Variants in FSTL4 observed in about 807,000 individuals in gnomAD.
The protein encoded by FSTL4 is follistatin-related protein 4.
FSTL4 carries 28 observed loss-of-function variants against 78.2 expected under a neutral mutation model. That is an observed-to-expected ratio of 0.36 (90% CI 0.27 to 0.49). The LOEUF is 0.49. Among genes scored for constraint, FSTL4 ranks in the 20% least tolerant of loss-of-function variants. The pLI is 0.98. For synonymous variants in FSTL4, 422 were observed against 440.5 expected (o/e 0.96, Z 0.53); for missense variants, 922 against 1,084.9 (o/e 0.85, Z 2.11).
the FSTL4 span, among the ~76,000 whole-genome samples, chr5:133,704,768 G>A: frequency 2.0e-5 from 3 of 150,900 alleles, no homozygotes; most frequent in Admixed American, 2.0e-4. Flanking sequence ...GACTGCCTGA[G>A]GAAAAGGCCA....
chr5:133,634,480 C>T, the FSTL4 span, among the ~76,000 whole-genome samples: 1 of 151,894 alleles, frequency 6.6e-6, no homozygotes, highest in Non-Finnish European at 1.5e-5. Context: ...AAGAGAAAAC[C>T]CAGAGAACTC....
the FSTL4 span, among the ~76,000 whole-genome samples, chr5:133,773,360 C>T: frequency 1.3e-5 from 2 of 152,052 alleles, no homozygotes; most frequent in African/African-American, 4.8e-5. Flanking sequence ...GAATGCTCTG[C>T]TCTGTGCCTG....
chr5:133,627,368 G>A, the FSTL4 span, among the ~76,000 whole-genome samples: 1 of 152,158 alleles, frequency 6.6e-6, no homozygotes, highest in South Asian at 2.1e-4. Flanking sequence ...GGAAAAAGGG[G>A]TTTCCCCTTA....
chr5:133,799,327 A>G, the FSTL4 span, among the ~76,000 whole-genome samples: 1 of 138,516 alleles, frequency 7.2e-6, no homozygotes, highest in East Asian at 2.0e-4. Flanking sequence ...AAAATGGCCC[A>G]CTGTGACCAG....
chr5:133,412,574 T>C (rs1201430863), intron 3 of FSTL4, among the ~76,000 whole-genome samples: 1 of 152,200 alleles, frequency 6.6e-6, no homozygotes, highest in African/African-American at 2.4e-5. Context: ...AGAACACTTA[T>C]CCACTCTATG....
At chr5:133,664,572 G>T in the FSTL4 span, among the ~76,000 whole-genome samples, 9 of 152,268 alleles carry the variant, frequency 5.9e-5, no homozygotes, top group African/African-American at 1.9e-4. Context: ...TGCCCACTCA[G>T]CATCCTCTCA....
the FSTL4 span, among the ~76,000 whole-genome samples, chr5:133,680,350 G>A: frequency 6.6e-6 from 1 of 152,138 alleles, no homozygotes; most frequent in African/African-American, 2.4e-5. Flanking sequence ...ATGATCCAAG[G>A]ATTTCCACCA....
At chr5:133,673,843 GCA>G in the FSTL4 span, among the ~76,000 whole-genome samples, 1 of 152,140 alleles carries the variant, frequency 6.6e-6, no homozygotes, top group African/African-American at 2.4e-5. Context: ...AGGGACAAAA[GCA>G]ACAAAGAAGC....
chr5:133,318,887 C>A (rs1385149129), intron 4 of FSTL4, among the ~76,000 whole-genome samples: 2 of 152,342 alleles, frequency 1.3e-5, no homozygotes, highest in East Asian at 3.9e-4. Context: ...CCTCTTATTT[C>A]GTCTCAGGAC....
rs189417792 is a variant in FSTL4, at chr5:133,446,182, G to A, written c.161-45196C>T. Among the ~76,000 whole-genome samples, 553 of 152,324 alleles carry A rather than the reference G, an allele frequency of 3.6e-3. 4 individuals are homozygous for A. The highest frequency in any genetic ancestry group is 0.012 in the African/African-American group (516 of 41,566). On this transcript the variant is annotated intron_variant, in intron 3 of 15. Transcript: ENST00000265342. Reference sequence around the variant, plus strand: ...GGGCCAGGCTCGGTGGCTCACGCCTGTAATCCTAGCACTTTGGGAGGCCGA... The same window carrying A: ...GGGCCAGGCTCGGTGGCTCACGCCTATAATCCTAGCACTTTGGGAGGCCGA...
At chr5:133,480,094 A>T (rs1184652895) in intron 3 of FSTL4, among the ~76,000 whole-genome samples, 3 of 152,232 alleles carry the variant, frequency 2.0e-5, no homozygotes, top group Non-Finnish European at 2.9e-5. Flanking sequence ...AGAAAGGCAG[A>T]TGTGGACCCC....
At chr5:133,839,923 A>C in the FSTL4 span, among the ~76,000 whole-genome samples, 1 of 152,294 alleles carries the variant, frequency 6.6e-6, no homozygotes, top group South Asian at 2.1e-4. Flanking sequence ...TGTGAGCTTC[A>C]TTTCTGCCAG....
the FSTL4 span, among the ~76,000 whole-genome samples, chr5:133,701,454 C>G: frequency 1.6e-5 from 2 of 123,130 alleles, no homozygotes; most frequent in Non-Finnish European, 3.3e-5. Flanking sequence ...AGAACCTAGT[C>G]AGAAAGACAC....
intron 4 of FSTL4, among the ~76,000 whole-genome samples, chr5:133,373,501 G>GCA (rs1346975011): frequency 6.6e-6 from 1 of 152,228 alleles, no homozygotes; most frequent in South Asian, 2.1e-4. Flanking sequence ...TCCACTGGAT[G>GCA]CACATACAAG....
intron 6 of FSTL4, chr5:133,312,380 C>A: frequency 2.3e-6 from 1 of 435,738 alleles, no homozygotes. Context: ...TCACAGTGCC[C>A]TCACAGCTAT....
chr5:133,462,898 C>T (rs980236712), intron 3 of FSTL4, among the ~76,000 whole-genome samples: 11 of 152,190 alleles, frequency 7.2e-5, no homozygotes, highest in African/African-American at 2.7e-4. Context: ...TGACCTGACA[C>T]CACACTCAGT....
intron 3 of FSTL4, among the ~76,000 whole-genome samples, chr5:133,537,251 T>C (rs992011730): frequency 1.3e-5 from 2 of 152,232 alleles, no homozygotes; most frequent in Admixed American, 6.5e-5. Flanking sequence ...TCCTTTACAA[T>C]ACTGACCTTC....
At chr5:133,443,152 A>G (rs1184827201) in intron 3 of FSTL4, among the ~76,000 whole-genome samples, 2 of 152,250 alleles carry the variant, frequency 1.3e-5, no homozygotes, top group Non-Finnish European at 2.9e-5. Flanking sequence ...GGTAAGTGTC[A>G]CATTCTAATT....
the FSTL4 span, among the ~76,000 whole-genome samples, chr5:133,836,695 G>A: frequency 6.6e-6 from 1 of 151,280 alleles, no homozygotes; most frequent in African/African-American, 2.4e-5. Context: ...CTAAAAATGT[G>A]TCTCCGAAGT....
Sources: gnomAD v4.1 joint callset for allele counts (sites outside exome capture counted in the v4.1 genomes callset) on GRCh38, gnomAD v4.1.1 for gene constraint, MANE v1.5 for transcripts, NCBI Gene and HGNC (gene_info 2026-07-23, HGNC 2026-07-21) for gene names.